Variants in CPEB2 observed in about 807,000 individuals in gnomAD.
The protein encoded by CPEB2 is cytoplasmic polyadenylation element-binding protein 2.
In CPEB2, 56 loss-of-function variants were observed where a neutral mutation model predicts 93.6. That is an observed-to-expected ratio of 0.60 (90% CI 0.48 to 0.75). CPEB2 has a LOEUF of 0.75. Ranked by LOEUF, CPEB2 falls within the 30% of genes least tolerant of loss-of-function variation. The probability of loss-of-function intolerance (pLI) is 0.00; values close to 1 mark genes in which losing one functional copy is unlikely to be tolerated. For missense variants in CPEB2, 1,579 were observed against 1,395.1 expected, an observed-to-expected ratio of 1.13 and a Z score of -2.10; for synonymous variants, 764 against 586.3, an observed-to-expected ratio of 1.30 and a Z score of -4.38.
At chr4:15,014,898 T>C (rs1723935032) in intron 3 of CPEB2, among the ~76,000 whole-genome samples, 1 of 152,112 alleles carries the variant, frequency 6.6e-6, no homozygotes, top group African/African-American at 2.4e-5. Context: ...ATGTCATTTT[T>C]GCCCATATGG....
chr4:15,070,030 T>A lies in CPEB2; in HGVS notation c.*3650T>A, dbSNP rs1465433061. On this transcript the variant is annotated 3_prime_UTR_variant, in exon 12 of 12. Transcript: ENST00000538197. ...CTTCCAGGTGTCTAAATCTCCAGTCTGTCTGTTGTACTGGTAATTTAACTC... is the reference window on the plus strand; with the variant it reads ...CTTCCAGGTGTCTAAATCTCCAGTCAGTCTGTTGTACTGGTAATTTAACTC... The A allele has an allele frequency of 1.3e-5, 2 of 152,274 alleles. No individual in the cohort carries two copies. Among genetic ancestry groups the A allele is most frequent in the Non-Finnish European group, 2.9e-5 (2 of 67,824 alleles). The allele number at this position is 152,274 out of a possible 1,614,324, so 9.4% of individuals were successfully genotyped here.
chr4:15,049,560 A>G (rs965392625), intron 6 of CPEB2, among the ~76,000 whole-genome samples: 2 of 152,162 alleles, frequency 1.3e-5, no homozygotes. Context: ...TTCACAATTA[A>G]TATTATTTTT....
chr4:15,007,343 C>G lies in CPEB2; in HGVS notation c.1701C>G (p.Ser567Arg). Reference sequence around the variant, plus strand: ...AGTCTCCCTGGAGCAACCATCAGAGCAGTGGCTGGGGCACTGGAAGTATGT... The same window carrying G: ...AGTCTCCCTGGAGCAACCATCAGAGGAGTGGCTGGGGCACTGGAAGTATGT... ...LKQSPWSNHQSSGWGTGSMSW... is the reference protein window; with the variant it reads ...LKQSPWSNHQRSGWGTGSMSW... Residue 567 changes from serine to arginine, a missense_variant, in exon 2 of 12, where the codon AGC becomes AGG. Coordinates refer to ENST00000538197, the MANE Select transcript of CPEB2 (RefSeq NM_001177382.2). The G allele has an allele frequency of 1.3e-6, 2 of 1,587,858 alleles. No individual in the cohort carries two copies. Among genetic ancestry groups the G allele is most frequent in the Non-Finnish European group, 1.7e-6 (2 of 1,163,172 alleles).
At chr4:15,008,572 C>T (rs2108957889) in intron 3 of CPEB2, 145 bp downstream of exon 3, 1 of 458,274 alleles carries the variant, frequency 2.2e-6, no homozygotes, top group Non-Finnish European at 3.8e-6. Context: ...TTAAGGATCA[C>T]CTGCTTTGAA....
intron 8 of CPEB2, among the ~76,000 whole-genome samples, chr4:15,058,024 C>G (rs1289518447): frequency 6.6e-6 from 1 of 152,182 alleles, no homozygotes; most frequent in Non-Finnish European, 1.5e-5. Context: ...GGTAGTATCA[C>G]TACTAGAAAG....
chr4:15,032,041 C>G (rs1184782385), intron 4 of CPEB2, among the ~76,000 whole-genome samples: 1 of 152,288 alleles, frequency 6.6e-6, no homozygotes, highest in East Asian at 1.9e-4. Flanking sequence ...CTGAAAATTA[C>G]TAAAATGTAA....
chr4:15,006,945 A>C (rs1034711047), intron 1 of CPEB2, among the ~76,000 whole-genome samples: 1 of 152,218 alleles, frequency 6.6e-6, no homozygotes, highest in Admixed American at 6.5e-5. Context: ...TGGTTGCTTT[A>C]AGATCACCAT....
intron 9 of CPEB2, among the ~76,000 whole-genome samples, 179 bp downstream of exon 9, chr4:15,058,718 G>A (rs1345613933): frequency 6.6e-6 from 1 of 152,202 alleles, no homozygotes; most frequent in Non-Finnish European, 1.5e-5. Context: ...AGTACTGGTG[G>A]TCCATGATCT....
chr4:15,055,580 A>G (rs1289402284), intron 8 of CPEB2, among the ~76,000 whole-genome samples: 2 of 152,130 alleles, frequency 1.3e-5, no homozygotes, highest in African/African-American at 2.4e-5. Context: ...GTCTCTCCAC[A>G]TCTCTAGCCC....
chr4:15,063,705 A>AT (rs1729424202), intron 11 of CPEB2: 2 of 152,114 alleles, frequency 1.3e-5, no homozygotes, highest in African/African-American at 4.8e-5. Context: ...TTACAGTGTC[A>AT]TACCTCATAC....
chr4:15,061,954 T>C (rs1028157153), intron 10 of CPEB2, 125 bp from the exon 11 acceptor site: 1 of 862,680 alleles, frequency 1.2e-6, no homozygotes, highest in Admixed American at 2.6e-5. Flanking sequence ...CAGCCTCTTA[T>C]CTGCCATTCT....
At chr4:15,010,809 C>G (rs1185707687) in intron 3 of CPEB2, among the ~76,000 whole-genome samples, 1 of 152,024 alleles carries the variant, frequency 6.6e-6, no homozygotes, top group East Asian at 1.9e-4. Flanking sequence ...GAATATAATA[C>G]AAAATTCTAG....
Position 15,068,095 on chromosome 4 carries a change from T to A in CPEB2, c.*1715T>A, listed in dbSNP as rs556270095. Reference sequence around the variant, plus strand: ...GCACCCAACAATGGTAAATGTTTTTTAAAAATGCAGAACTAAGATTTTTGA... The same window carrying A: ...GCACCCAACAATGGTAAATGTTTTTAAAAAATGCAGAACTAAGATTTTTGA... On this transcript the variant is annotated 3_prime_UTR_variant, in exon 12 of 12. Coordinates refer to ENST00000538197, the MANE Select transcript of CPEB2 (RefSeq NM_001177382.2). The A allele has an allele frequency of 1.3e-5, 2 of 152,504 alleles. No homozygotes were observed. Among genetic ancestry groups the A allele is most frequent in the South Asian group, 2.1e-4 (1 of 4,830 alleles). 9.4% of individuals were successfully genotyped at this position (152,504 alleles called of 1,614,324 possible).
rs889979322 is a variant in CPEB2 at position 15,002,665 on chromosome 4, G to A, written c.-9G>A. 6.7e-7 allele frequency: 1 copy of A among 1,482,774 alleles called. No homozygotes were observed. Among genetic ancestry groups the A allele is most frequent in the South Asian group, 1.3e-5 (1 of 79,286 alleles). The allele number at this position is 1,482,774 out of a possible 1,614,324, so 91.9% of individuals were successfully genotyped here. Reference sequence around the variant, plus strand: ...GGAGCGTCTCCTCCCGCTGCCGGCGGCCTGATAAATGAGGGATTTCGGGTT... The same window carrying A: ...GGAGCGTCTCCTCCCGCTGCCGGCGACCTGATAAATGAGGGATTTCGGGTT... On this transcript the variant is annotated 5_prime_UTR_variant, in exon 1 of 12. Coordinates refer to ENST00000538197, the MANE Select transcript of CPEB2 (RefSeq NM_001177382.2).
intron 4 of CPEB2, among the ~76,000 whole-genome samples, chr4:15,029,432 A>G (rs1725847677): frequency 6.6e-6 from 1 of 152,104 alleles, no homozygotes; most frequent in African/African-American, 2.4e-5. Context: ...CCAAAAATAC[A>G]TATATTTTTT....
intron 6 of CPEB2, among the ~76,000 whole-genome samples, chr4:15,047,936 A>T (rs1727868259): frequency 6.7e-6 from 1 of 150,058 alleles, no homozygotes. Flanking sequence ...TTAATTATGA[A>T]TAGCTGTTGA....
intron 9 of CPEB2, 35 bp downstream of exon 9, chr4:15,058,574 T>A (rs1728920311): frequency 2.5e-6 from 3 of 1,216,650 alleles, no homozygotes. Flanking sequence ...AGGCTACAAA[T>A]GCAAATTTTT....
At chr4:15,066,032 C>A in intron 11 of CPEB2, 121 bp from the exon 12 acceptor site, 1 of 777,640 alleles carries the variant, frequency 1.3e-6, no homozygotes, top group East Asian at 2.5e-5. Flanking sequence ...CCTTGAGAAA[C>A]TGCCCATTTC....
At chr4:15,047,719 TA>T (rs1248522175) in intron 6 of CPEB2, among the ~76,000 whole-genome samples, 1 of 152,056 alleles carries the variant, frequency 6.6e-6, no homozygotes, top group Non-Finnish European at 1.5e-5. Context: ...GACTTTAAAT[TA>T]TTTTTTTCAT....
Sources: allele counts gnomAD v4.1 joint callset (sites outside exome capture counted in the v4.1 genomes callset), GRCh38; gene constraint gnomAD v4.1.1; transcripts MANE v1.5; gene names NCBI Gene and HGNC (gene_info 2026-07-23, HGNC 2026-07-21).